Variants in PTPRK observed in about 807,000 individuals in gnomAD.
The protein encoded by PTPRK is receptor-type tyrosine-protein phosphatase kappa.
Under a neutral mutation model 178.0 loss-of-function variants are expected in PTPRK, and 75 were observed. The ratio of observed to expected loss-of-function variants is 0.42; its 90% confidence interval spans 0.35 to 0.51. The LOEUF is 0.51. PTPRK is among the 20% of genes least tolerant of loss of function. The pLI is 0.02. For synonymous variants in PTPRK, 637 were observed against 620.6 expected (o/e 1.03, Z -0.39); for missense variants, 1,441 against 1,797.8 (o/e 0.80, Z 3.59).
chr6:128,484,049 T>C (rs1237740030), intron 1 of PTPRK, among the ~76,000 whole-genome samples: 1 of 152,090 alleles, frequency 6.6e-6, no homozygotes, highest in East Asian at 1.9e-4. Context: ...CTCAGAAACA[T>C]ATCCTAGCTA....
intron 3 of PTPRK, among the ~76,000 whole-genome samples, chr6:128,288,040 A>G (rs184529047): frequency 5.3e-5 from 8 of 152,226 alleles, no homozygotes; most frequent in Admixed American, 3.9e-4. Flanking sequence ...TCTTCACTCA[A>G]ATCTCTACTG....
intron 1 of PTPRK, among the ~76,000 whole-genome samples, chr6:128,418,870 T>C (rs1353863815): frequency 6.6e-6 from 1 of 152,194 alleles, no homozygotes; most frequent in Non-Finnish European, 1.5e-5. Flanking sequence ...ATCCCTATTT[T>C]TGATGCCTAT....
At position 128,133,038 on chromosome 6, in the gene PTPRK, A is replaced by G. The variant is rs145904667; in HGVS notation, c.1163-43046T>C. On this transcript the variant is annotated intron_variant, in intron 7 of 29. Transcript: ENST00000368226. ...ATTTCTAACAAAAACTCATTAGTCA[A>G]AAATTCCACCATAAAAAAGATACGT... Among the ~76,000 whole-genome samples, 867 of 152,360 alleles carry G rather than the reference A, an allele frequency of 5.7e-3. 6 individuals carry two copies. The highest frequency in any genetic ancestry group is 0.02 in the African/African-American group (815 of 41,588).
intron 1 of PTPRK, among the ~76,000 whole-genome samples, chr6:128,432,745 AACACAC>A (rs4053237): frequency 2.7e-5 from 4 of 146,354 alleles, no homozygotes; most frequent in East Asian, 2.0e-4. Flanking sequence ...TGTGTTCACA[AACACAC>A]ACACACACAC....
chr6:128,218,240 C>T (rs898452384), intron 6 of PTPRK, among the ~76,000 whole-genome samples: 3 of 152,142 alleles, frequency 2.0e-5, no homozygotes, highest in Non-Finnish European at 2.9e-5. Context: ...CATTTACAAT[C>T]GTATCTCCAA....
At chr6:128,395,318 A>T (rs1397116198) in intron 2 of PTPRK, among the ~76,000 whole-genome samples, 1 of 152,182 alleles carries the variant, frequency 6.6e-6, no homozygotes, top group African/African-American at 2.4e-5. Context: ...ATGATTAATT[A>T]CTTAATGTCC....
intron 14 of PTPRK, 142 bp from the exon 15 acceptor site, chr6:128,005,386 GAATTAAGT>G (rs1399538831): frequency 1.4e-5 from 9 of 642,204 alleles, no homozygotes; most frequent in Non-Finnish European, 2.2e-5. Context: ...ACAATTTCAG[GAATTAAGT>G]TTGACATTCA....
intron 5 of PTPRK, among the ~76,000 whole-genome samples, chr6:128,236,478 A>G (rs971198004): frequency 1.3e-5 from 2 of 150,388 alleles, no homozygotes; most frequent in African/African-American, 4.9e-5. Context: ...CCTGCCGAGT[A>G]GCTGGGACTA....
chr6:128,089,775 A>G lies in PTPRK; in HGVS notation c.1380T>C (p.Tyr460=), dbSNP rs1786603358. Residue 460 remains tyrosine (Y), a synonymous_variant, in exon 8 of 30, where the codon TAT becomes TAC. Coordinates refer to ENST00000368226, the MANE Select transcript of PTPRK (RefSeq NM_002844.4). ...PQHVVNHLPP[Y]TNVSLKMILT... is the part of the protein sequence containing the mutation. ...GGATCATCTTGAGGCTGACATTTGT[A>G]TAAGGTGGCAGATGGTTCACAACAT... 1 of 1,613,446 alleles carries G rather than the reference A, an allele frequency of 6.2e-7. No individual in the cohort carries two copies. Among genetic ancestry groups the G allele is most frequent in the Non-Finnish European group, 8.5e-7 (1 of 1,179,390 alleles).
At chr6:128,190,900 G>A (rs1803678682) in intron 6 of PTPRK, among the ~76,000 whole-genome samples, 1 of 152,148 alleles carries the variant, frequency 6.6e-6, no homozygotes, top group Non-Finnish European at 1.5e-5. Flanking sequence ...GTTGGGACCT[G>A]AGGCCCCTAT....
chr6:128,104,522 T>A (rs1402793588), intron 7 of PTPRK, among the ~76,000 whole-genome samples: 1 of 152,186 alleles, frequency 6.6e-6, no homozygotes, highest in Non-Finnish European at 1.5e-5. Context: ...ACGCCCGGCC[T>A]ATATTCTGTC....
intron 6 of PTPRK, among the ~76,000 whole-genome samples, chr6:128,207,809 C>A (rs1244168771): frequency 2.6e-5 from 4 of 152,068 alleles, no homozygotes; most frequent in African/African-American, 9.7e-5. Flanking sequence ...TCTTACCCAC[C>A]CATTTTTCCC....
chr6:128,017,467 T>C (rs561223295), intron 13 of PTPRK, among the ~76,000 whole-genome samples: 6 of 151,836 alleles, frequency 4.0e-5, no homozygotes, highest in East Asian at 3.9e-4. Flanking sequence ...CAGGCCTAAA[T>C]TGATCATGCT....
chr6:128,446,895 G>T (rs1015086809), intron 1 of PTPRK, among the ~76,000 whole-genome samples: 2 of 152,002 alleles, frequency 1.3e-5, no homozygotes, highest in African/African-American at 4.8e-5. Flanking sequence ...GCTTAAATAA[G>T]ACAAAGTCAA....
In PTPRK at chr6:128,387,690, A is replaced by G. The variant is rs554299014; in HGVS notation, c.223+9876T>C. On this transcript the variant is annotated intron_variant, in intron 2 of 29. Coordinates refer to ENST00000368226, the MANE Select transcript of PTPRK (RefSeq NM_002844.4). Reference sequence around the variant, plus strand: ...TAAAGTATGTTCCCTTATTTATTCCACATCATAAAAATCATAAGGAAAACA... The same window carrying G: ...TAAAGTATGTTCCCTTATTTATTCCGCATCATAAAAATCATAAGGAAAACA... Among the ~76,000 whole-genome samples the G allele has an allele frequency of 5.0e-4, 76 of 152,248 alleles. 1 individual carries two copies. Among genetic ancestry groups the G allele is most frequent in the South Asian group, 1.7e-3 (8 of 4,822 alleles).
At chr6:128,165,457 T>C (rs529673680) in intron 7 of PTPRK, among the ~76,000 whole-genome samples, 2 of 151,402 alleles carry the variant, frequency 1.3e-5, no homozygotes, top group South Asian at 2.1e-4. Flanking sequence ...ACTTTTTATA[T>C]TGTGAGAAGG....
At chr6:128,289,353 A>G (rs1185570810) in intron 3 of PTPRK, among the ~76,000 whole-genome samples, 1 of 152,120 alleles carries the variant, frequency 6.6e-6, no homozygotes, top group Non-Finnish European at 1.5e-5. Context: ...CACCAAATAC[A>G]ATTTGTTATA....
chr6:128,005,186 T>C lies in PTPRK; in HGVS notation c.2392A>G (p.Met798Val), dbSNP rs1372973061. 6.2e-7 allele frequency: 1 copy of C among 1,611,750 alleles called. No individual in the cohort carries two copies. The highest frequency in any genetic ancestry group is 8.5e-7 in the Non-Finnish European group (1 of 1,178,602). The part of the protein sequence containing the change: ...MGNTRQEMTH[M>V]VNAMDRSYAD... ...TAACTTCGATCCATTGCATTCACCA[T>C]GTGAGTCATCTCCTGCCGGGTATTC... is the stretch of plus-strand genomic sequence containing the variant. The change falls in exon 15 of 30, where the codon ATG becomes GTG. Residue 798 changes from methionine to valine, a missense_variant. Physicochemically the swap from Met to Val is conservative, Grantham distance 21 (BLOSUM62 1). Transcript: ENST00000368226.
At chr6:128,251,936 G>C (rs949226775) in intron 3 of PTPRK, among the ~76,000 whole-genome samples, 1 of 152,184 alleles carries the variant, frequency 6.6e-6, no homozygotes, top group Non-Finnish European at 1.5e-5. Context: ...GGTATAACCA[G>C]AGTGCAGTTG....
Sources: allele counts gnomAD v4.1 joint callset (sites outside exome capture counted in the v4.1 genomes callset), GRCh38; gene constraint gnomAD v4.1.1; transcripts MANE v1.5; gene names NCBI Gene and HGNC (gene_info 2026-07-23, HGNC 2026-07-21).